AOAH: variants seen among roughly 807,000 people sequenced by gnomAD.
The protein encoded by AOAH is acyloxyacyl hydrolase (neutrophil).
AOAH carries 64 observed loss-of-function variants against 92.2 expected under a neutral mutation model. That is an observed-to-expected ratio of 0.69 (90% confidence interval 0.57 to 0.86). The LOEUF is 0.86. AOAH is among the 40% of genes least tolerant of loss of function. The probability of loss-of-function intolerance (pLI) is 0.00; values close to 1 mark genes in which losing one functional copy is unlikely to be tolerated. For synonymous variants in AOAH, 263 were observed against 254.5 expected (o/e 1.03, Z -0.32); for missense variants, 656 against 694.6 (o/e 0.94, Z 0.62).
At position 36,708,750 on chromosome 7, in the gene AOAH, G is replaced by A. The variant is rs756295781; in HGVS notation, c.127+15272C>T. ...CTTCAACTGTGGATCTGTTTACCCC[G>A]GAATGTAGAGTTTTTTACATCTCTG... On this transcript the variant is annotated intron_variant, in intron 1 of 20. Coordinates refer to ENST00000617537, the MANE Select transcript of AOAH (RefSeq NM_001637.4). Among the ~76,000 whole-genome samples the A allele has an allele frequency of 5.3e-5, 8 of 152,132 alleles. No individual in the cohort carries two copies. The South Asian group carries it at 6.2e-4, about 12-fold the overall frequency.
intron 20 of AOAH, among the ~76,000 whole-genome samples, chr7:36,518,393 A>G (rs1007144173): frequency 2.0e-5 from 3 of 152,132 alleles, no homozygotes; most frequent in African/African-American, 7.2e-5. Context: ...TTTTTAGTAG[A>G]TGGGGTAATT....
chr7:36,695,990 C>CT (rs1026103303), intron 1 of AOAH, among the ~76,000 whole-genome samples: 3 of 152,254 alleles, frequency 2.0e-5, no homozygotes, highest in South Asian at 2.1e-4. Context: ...CTCCCTCATC[C>CT]TTTTTTTACA....
intron 15 of AOAH, among the ~76,000 whole-genome samples, chr7:36,543,826 A>G (rs1785581913): frequency 6.6e-6 from 1 of 152,172 alleles, no homozygotes; most frequent in Non-Finnish European, 1.5e-5. Flanking sequence ...TAGCTCAGGT[A>G]AGGGCAAGGG....
chr7:36,601,315 T>G (rs1323188738), intron 11 of AOAH, among the ~76,000 whole-genome samples: 1 of 151,940 alleles, frequency 6.6e-6, no homozygotes, highest in Non-Finnish European at 1.5e-5. Flanking sequence ...AAAGTCCCTG[T>G]GGCCCTATGA....
chr7:36,517,270 T>TTCTGTGTCTCTC (rs61630854), intron 20 of AOAH, among the ~76,000 whole-genome samples: 907 of 7,952 alleles, frequency 0.11, 44 homozygotes, highest in Middle Eastern at 0.5. Context: ...CTCTCTTTCT[T>TTCTGTGTCTCTC]TCTTTCTTTC....
intron 11 of AOAH, among the ~76,000 whole-genome samples, chr7:36,610,137 T>A (rs1426026507): frequency 1.6e-5 from 2 of 125,660 alleles, no homozygotes; most frequent in African/African-American, 6.2e-5. Context: ...TTTTTTTTTT[T>A]AAGGAGAATG....
chr7:36,696,243 T>C (rs145143183), intron 1 of AOAH, among the ~76,000 whole-genome samples: 217 of 152,300 alleles, frequency 1.4e-3, no homozygotes, highest in African/African-American at 5.1e-3. Context: ...TTCTTCAAAA[T>C]TGTGGCTGTT....
chr7:36,699,485 G>T (rs527715003), intron 1 of AOAH, among the ~76,000 whole-genome samples: 1 of 152,042 alleles, frequency 6.6e-6, no homozygotes, highest in South Asian at 2.1e-4. Context: ...TTTTAACTGG[G>T]GGTGAGATCA....
intron 8 of AOAH, among the ~76,000 whole-genome samples, 163 bp downstream of exon 8, chr7:36,621,547 C>T (rs2251256): frequency 0.017 from 2,572 of 152,300 alleles, 85 homozygotes; most frequent in African/African-American, 0.058. Context: ...GACAAACGAA[C>T]GAATGAATGC....
At chr7:36,530,284 G>A (rs1284245338) in intron 19 of AOAH, 134 bp downstream of exon 19, 8 of 625,880 alleles carry the variant, frequency 1.3e-5, no homozygotes, top group Non-Finnish European at 2.3e-5. Context: ...AGAGCTATTA[G>A]TGTGTCAGAA....
At chr7:36,528,865 C>A (rs1397027914) in intron 19 of AOAH, among the ~76,000 whole-genome samples, 1 of 152,154 alleles carries the variant, frequency 6.6e-6, no homozygotes, top group Non-Finnish European at 1.5e-5. Flanking sequence ...GCTTCACAAA[C>A]CATTTACAAA....
intron 13 of AOAH, among the ~76,000 whole-genome samples, chr7:36,559,063 T>C (rs2116450311): frequency 6.6e-6 from 1 of 152,384 alleles, no homozygotes; most frequent in South Asian, 2.1e-4. Context: ...ACCCATCTTC[T>C]GTGTCACTCA....
rs906651659 is a variant in AOAH, at chr7:36,549,476, C to T, written c.1022-1G>A. 6 of 1,583,030 alleles carry T rather than the reference C, an allele frequency of 3.8e-6. No individual in the cohort carries two copies. The highest frequency in any genetic ancestry group is 5.2e-6 in the Non-Finnish European group (6 of 1,158,460). On this transcript the variant is annotated splice_acceptor_variant, in intron 13 of 20. Transcript: ENST00000617537. LOFTEE classifies it high-confidence loss of function. ...TTCTTCAGGTTTCGGGAAGATGCAC[C>T]TGAATAATTAAAATTAAGAAAACAA...
rs761805279 is a variant in AOAH, at chr7:36,513,128, A to G, written c.*124T>C. On this transcript the variant is annotated 3_prime_UTR_variant, in exon 21 of 21. Coordinates refer to ENST00000617537, the MANE Select transcript of AOAH (RefSeq NM_001637.4). ...CTTCATTGAGAGAAAGACATTTTGC[A>G]AAGATGCTGCTGAAGAAGAGTCCTT... The G allele has an allele frequency of 3.1e-5, 50 of 1,609,188 alleles. No homozygotes were observed. The highest frequency in any genetic ancestry group is 3.9e-5 in the Non-Finnish European group (46 of 1,179,802).
intron 1 of AOAH, among the ~76,000 whole-genome samples, chr7:36,716,755 T>C (rs966580407): frequency 1.0e-4 from 15 of 150,310 alleles, no homozygotes; most frequent in African/African-American, 3.5e-4. Context: ...TTCTCAATCA[T>C]AGGTGGGAAT....
intron 13 of AOAH, among the ~76,000 whole-genome samples, chr7:36,566,466 T>G (rs897561310): frequency 2.0e-5 from 3 of 151,796 alleles, no homozygotes; most frequent in African/African-American, 7.3e-5. Flanking sequence ...AATTCTGACA[T>G]TCATCATACT....
chr7:36,702,043 T>C (rs1412661369), intron 1 of AOAH, among the ~76,000 whole-genome samples: 1 of 152,102 alleles, frequency 6.6e-6, no homozygotes, highest in Non-Finnish European at 1.5e-5. Flanking sequence ...TTCACAACTT[T>C]GCTCTAATAT....
chr7:36,677,033 A>G (rs1324652908), intron 2 of AOAH, among the ~76,000 whole-genome samples: 2 of 152,134 alleles, frequency 1.3e-5, no homozygotes, highest in Non-Finnish European at 2.9e-5. Context: ...ACGTTTTCTT[A>G]GATATGACAC....
intron 1 of AOAH, among the ~76,000 whole-genome samples, chr7:36,704,706 GC>G (rs1798274294): frequency 6.6e-6 from 1 of 151,980 alleles, no homozygotes; most frequent in Non-Finnish European, 1.5e-5. Flanking sequence ...AAAATTTCAG[GC>G]CAATATCCTT....
Sources: gnomAD v4.1 joint callset for allele counts (sites outside exome capture counted in the v4.1 genomes callset) on GRCh38, gnomAD v4.1.1 for gene constraint, MANE v1.5 for transcripts, NCBI Gene and HGNC (gene_info 2026-07-23, HGNC 2026-07-21) for gene names.